PCNX1: variants seen among roughly 807,000 people sequenced by gnomAD.
PCNX1 encodes pecanex 1.
A neutral mutation model predicts 242.2 loss-of-function variants in PCNX1; 78 were observed. The ratio of observed to expected loss-of-function variants is 0.32; its 90% CI spans 0.27 to 0.39. The LOEUF is 0.39. Ranked by LOEUF, PCNX1 falls within the 10% of genes least tolerant of loss-of-function variation. PCNX1 has a pLI of 1.00. For synonymous variants in PCNX1, 1,024 were observed against 1,032.9 expected (o/e 0.99, Z 0.17); for missense variants, 2,581 against 2,856.5 (o/e 0.90, Z 2.20).
At chr14:71,106,830 G>A (rs2062637072) in intron 33 of PCNX1, among the ~76,000 whole-genome samples, 1 of 151,922 alleles carries the variant, frequency 6.6e-6, no homozygotes, top group Non-Finnish European at 1.5e-5. Flanking sequence ...TTTATATTCT[G>A]GATTTGAGCT....
chr14:71,012,360 T>C (rs1335178191), intron 10 of PCNX1: 1 of 155,262 alleles, frequency 6.4e-6, no homozygotes. Context: ...TTTAGTAGAT[T>C]CGCTAGCTAT....
Position 70,976,973 on chromosome 14 carries a change from T to C in PCNX1, c.636T>C (p.Leu212=). The C allele has an allele frequency of 1.2e-6, 2 of 1,613,638 alleles. No individual in the cohort carries two copies. The highest frequency in any genetic ancestry group is 1.7e-6 in the Non-Finnish European group (2 of 1,179,652). ...DLAADRKLFR[L]VSNDSFISIQ... ...CAGCTGATCGGAAGCTCTTTCGTCT[T>C]GTCTCCAATGACTCCTTCATCTCTA... is the stretch of plus-strand genomic sequence containing the variant. The change falls in exon 6 of 36, where the codon CTT becomes CTC. Residue 212 remains leucine, a synonymous_variant. Transcript: ENST00000304743.
At chr14:70,927,799 A>G (rs530245288) in intron 1 of PCNX1, among the ~76,000 whole-genome samples, 16 of 151,874 alleles carry the variant, frequency 1.1e-4, no homozygotes, top group Non-Finnish European at 1.8e-4. Flanking sequence ...TGTTGGCCAG[A>G]CTGGTCTCAA....
In PCNX1 at chr14:71,057,300, C is replaced by T. The variant is rs10137584; in HGVS notation, c.4637-209C>T. Among the ~76,000 whole-genome samples the T allele has an allele frequency of 7.5e-3, 1,143 of 152,226 alleles. 8 individuals are homozygous for T. Among genetic ancestry groups the T allele is most frequent in the African/African-American group, 0.026 (1,074 of 41,550 alleles). The stretch of plus-strand genomic sequence containing the variant: ...TTTTGTGAATGAGAACCATAGATTC[C>T]GGGAGGTTATGTGACTTCTAAATCT... On this transcript the variant is annotated intron_variant, in intron 25 of 35. Transcript: ENST00000304743.
In PCNX1 at chr14:71,045,241, C is replaced by T; in HGVS notation, c.3976C>T (p.Pro1326Ser). 1 of 1,613,144 alleles carries T rather than the reference C, an allele frequency of 6.2e-7. No homozygotes were observed. Among genetic ancestry groups the T allele is most frequent in the Non-Finnish European group, 8.5e-7 (1 of 1,179,282 alleles). ...GCTACCATGGCACTGTTTCTCTCAT[C>T]CTCTGCTAAAGACACTAGAGTATAA... is the stretch of plus-strand genomic sequence containing the variant. ...KQLPWHCFSHPLLKTLEYNQY... is the reference protein window; with the variant it reads ...KQLPWHCFSHSLLKTLEYNQY... Residue 1326 changes from proline to serine, a missense_variant, in exon 20 of 36, where the codon CCT (proline) becomes TCT (serine). Pro to Ser is a moderately conservative substitution (Grantham distance 74, BLOSUM62 -1). Transcript: ENST00000304743.
intron 12 of PCNX1, among the ~76,000 whole-genome samples, chr14:71,021,578 G>A (rs897309071): frequency 3.3e-5 from 5 of 151,958 alleles, no homozygotes; most frequent in African/African-American, 1.2e-4. Flanking sequence ...AGCCACCTAG[G>A]TCATCTGCTT....
intron 19 of PCNX1, among the ~76,000 whole-genome samples, chr14:71,037,825 A>G (rs1439530566): frequency 4.0e-5 from 6 of 149,638 alleles, no homozygotes; most frequent in Non-Finnish European, 7.4e-5. Context: ...TTCAAACTAT[A>G]CTACAAGGCT....
rs1034038907 is a variant in PCNX1 at position 71,035,383 on chromosome 14, G to A, written c.3775-682G>A. On this transcript the variant is annotated intron_variant, in intron 18 of 35. Coordinates refer to ENST00000304743, the MANE Select transcript of PCNX1 (RefSeq NM_014982.3). Reference sequence around the variant, plus strand: ...CTAGATACGTTGTTCAATTTCTTTGGTATTACAGTGTCAAAGCCAAAATAT... The same window carrying A: ...CTAGATACGTTGTTCAATTTCTTTGATATTACAGTGTCAAAGCCAAAATAT... 2.0e-5 allele frequency among the ~76,000 whole-genome samples: 3 copies of A among 152,036 alleles called. No homozygotes were observed. In the South Asian group the frequency reaches 6.2e-4, roughly 31 times the overall value.
At chr14:71,060,286 G>T (rs913623935) in intron 26 of PCNX1, among the ~76,000 whole-genome samples, 1 of 151,968 alleles carries the variant, frequency 6.6e-6, no homozygotes, top group Admixed American at 6.6e-5. Context: ...ATACAATTAT[G>T]TACAGTACAT....
Position 71,026,845 on chromosome 14 carries a change from T to C in PCNX1, c.3429T>C (p.Leu1143=). 1 of 1,563,604 alleles carries C rather than the reference T, an allele frequency of 6.4e-7. No homozygotes were observed. Among genetic ancestry groups the C allele is most frequent in the Non-Finnish European group, 8.8e-7 (1 of 1,135,382 alleles). ...AGGTGAATACATTTGTAATGTACCT[T>C]TGTGAACAATTGGATATTCATATTT... ...LPQVNTFVMY[L]CEQLDIHIFG... The change falls in exon 15 of 36, where the codon CTT becomes CTC. Residue 1143 remains leucine, a synonymous_variant. Coordinates refer to ENST00000304743, the MANE Select transcript of PCNX1 (RefSeq NM_014982.3).
At chr14:71,050,986 T>A (rs1358125011) in intron 23 of PCNX1, among the ~76,000 whole-genome samples, 2 of 151,898 alleles carry the variant, frequency 1.3e-5, no homozygotes, top group Non-Finnish European at 2.9e-5. Flanking sequence ...CTGACCAACA[T>A]GGATAAACCC....
chr14:70,988,567 C>T lies in PCNX1; in HGVS notation c.2312C>T (p.Ala771Val), dbSNP rs760697996. The part of the protein sequence containing the change: ...EGEEQDAVSG[A>V]AQASEEAVSF... ...TTGACCTAAGTCTGTCTTGATGCAG[C>T]AGCACAAGCCAGCGAGGAGGCAGTG... Residue 771 changes from alanine (A) to valine (V), a missense_variant and splice_region_variant, in exon 7 of 36, where the codon GCA becomes GTA. Physicochemically the swap from Ala to Val is moderately conservative, Grantham distance 64. Transcript: ENST00000304743. 7 of 1,613,624 alleles carry T rather than the reference C, an allele frequency of 4.3e-6. No individual in the cohort carries two copies. The highest frequency in any genetic ancestry group is 2.2e-5 in the South Asian group (2 of 91,078).
At chr14:70,981,022 A>G (rs1156961011) in intron 6 of PCNX1, among the ~76,000 whole-genome samples, 1 of 152,198 alleles carries the variant, frequency 6.6e-6, no homozygotes, top group Non-Finnish European at 1.5e-5. Flanking sequence ...GTATGCTAAA[A>G]TAGGAGGTAA....
intron 30 of PCNX1, chr14:71,092,843 G>A (rs2062172614): frequency 6.6e-6 from 1 of 152,204 alleles, no homozygotes; most frequent in African/African-American, 2.4e-5. Context: ...ACAACAAGAA[G>A]GCCTAGACAA....
intron 3 of PCNX1, among the ~76,000 whole-genome samples, chr14:70,966,898 G>A (rs1188311547): frequency 2.6e-5 from 4 of 152,104 alleles, no homozygotes; most frequent in East Asian, 1.9e-4. Flanking sequence ...AAACTTTTGC[G>A]ATAAAATGCT....
rs1830322515 is a variant in PCNX1 at position 71,013,093 on chromosome 14, A to C, written c.2887A>C (p.Thr963Pro). The change falls in exon 11 of 36, where the codon ACA (threonine) becomes CCA (proline). Residue 963 changes from threonine (T) to proline (P), a missense_variant. Transcript: ENST00000304743. ...TGACTTGGCAGCTACTTACGGCCCAACAGAAGAAGCTGCCCAAAAGGTTAA... is the reference window on the plus strand; with the variant it reads ...TGACTTGGCAGCTACTTACGGCCCACCAGAAGAAGCTGCCCAAAAGGTTAA... ...SPDLAATYGP[T>P]EEAAQKVKHY... The C allele has an allele frequency of 1.9e-6, 3 of 1,614,090 alleles. No individual in the cohort carries two copies. The highest frequency in any genetic ancestry group is 2.5e-6 in the Non-Finnish European group (3 of 1,179,954).
intron 9 of PCNX1, among the ~76,000 whole-genome samples, chr14:71,011,149 C>G (rs8011277): frequency 2.2e-4 from 33 of 152,128 alleles, no homozygotes; most frequent in African/African-American, 8.0e-4. Context: ...TTTATTGTGT[C>G]TTTACTGATT....
At chr14:71,075,555 A>G (rs1348965419) in intron 27 of PCNX1, among the ~76,000 whole-genome samples, 3 of 126,970 alleles carry the variant, frequency 2.4e-5, no homozygotes, top group Non-Finnish European at 5.1e-5. Context: ...AGCACAGTAA[A>G]GTTTTTTTTA....
At chr14:70,930,272 A>C (rs943484908) in intron 1 of PCNX1, among the ~76,000 whole-genome samples, 3 of 152,128 alleles carry the variant, frequency 2.0e-5, no homozygotes, top group Non-Finnish European at 4.4e-5. Context: ...CAGCCTTCCA[A>C]AGAGCTGGGG....
Sources: gnomAD v4.1 joint callset for allele counts (sites outside exome capture counted in the v4.1 genomes callset) on GRCh38, gnomAD v4.1.1 for gene constraint, MANE v1.5 for transcripts, NCBI Gene and HGNC (gene_info 2026-07-23, HGNC 2026-07-21) for gene names.